Variants in CAB39L observed in about 807,000 individuals in gnomAD.
CAB39L encodes calcium binding protein 39 like.
A neutral mutation model predicts 39.1 loss-of-function variants in CAB39L; 23 were observed. The ratio of observed to expected loss-of-function variants is 0.59; its 90% CI spans 0.42 to 0.83. CAB39L has a LOEUF of 0.83. CAB39L is among the 40% of genes least tolerant of loss of function. The probability of loss-of-function intolerance (pLI) is 0.00; values close to 1 mark genes in which losing one functional copy is unlikely to be tolerated. For synonymous variants in CAB39L, 126 were observed against 137.2 expected (o/e 0.92, Z 0.57); for missense variants, 366 against 391.9 (o/e 0.93, Z 0.56).
chr13:49,312,523 C>T (rs1220435000), intron 10 of CAB39L, among the ~76,000 whole-genome samples: 4 of 152,192 alleles, frequency 2.6e-5, no homozygotes, highest in Admixed American at 6.5e-5. Context: ...GTGCTCTAGG[C>T]GCAATAGCCC....
intron 3 of CAB39L, among the ~76,000 whole-genome samples, chr13:49,389,270 G>A (rs1019277960): frequency 3.9e-5 from 6 of 152,092 alleles, no homozygotes; most frequent in Non-Finnish European, 5.9e-5. Context: ...CTGCACTTCC[G>A]TATTCATTGC....
chr13:49,391,978 C>T (rs1027871658), intron 3 of CAB39L, among the ~76,000 whole-genome samples: 17 of 151,416 alleles, frequency 1.1e-4, no homozygotes, highest in African/African-American at 4.1e-4. Context: ...CACATTTCTG[C>T]TCTAAATTCT....
At chr13:49,352,250 A>C (rs560079811) in intron 6 of CAB39L, among the ~76,000 whole-genome samples, 1 of 152,134 alleles carries the variant, frequency 6.6e-6, no homozygotes, top group Admixed American at 6.6e-5. Flanking sequence ...ACAATCTCTC[A>C]AAGTCAAATT....
At chr13:49,364,088 T>TA (rs1237044980) in intron 5 of CAB39L, among the ~76,000 whole-genome samples, 1 of 152,132 alleles carries the variant, frequency 6.6e-6, no homozygotes, top group Non-Finnish European at 1.5e-5. Context: ...AGTCATTATA[T>TA]AATAATAAAG....
Position 49,392,566 on chromosome 13 carries a change from G to A in CAB39L, c.-31-9625C>T, listed in dbSNP as rs191210177. On this transcript the variant is annotated intron_variant, in intron 3 of 10. Transcript: ENST00000409308. ...TGAGGCAGGAGAATCACTGGAATCC[G>A]GGAGGCAGAGGTTGCAGTGAGCCGA... Among the ~76,000 whole-genome samples, 406 of 152,134 alleles carry A rather than the reference G, an allele frequency of 2.7e-3. 2 individuals are homozygous for A. Among genetic ancestry groups the A allele is most frequent in the African/African-American group, 9.3e-3 (388 of 41,508 alleles).
intron 10 of CAB39L, among the ~76,000 whole-genome samples, chr13:49,323,157 C>T (rs1954400756): frequency 6.6e-6 from 1 of 152,178 alleles, no homozygotes; most frequent in African/African-American, 2.4e-5. Context: ...TCCTAGGATC[C>T]TTAAGGAGAA....
At chr13:49,438,088 C>T (rs1270557793) in intron 1 of CAB39L, among the ~76,000 whole-genome samples, 2 of 152,124 alleles carry the variant, frequency 1.3e-5, no homozygotes, top group African/African-American at 4.8e-5. Context: ...CTTCCTGCCT[C>T]AGCCCCGCAA....
At chr13:49,323,561 C>G (rs578128979) in intron 10 of CAB39L, among the ~76,000 whole-genome samples, 4 of 152,306 alleles carry the variant, frequency 2.6e-5, no homozygotes, top group Admixed American at 2.0e-4. Context: ...AAATGTGGAC[C>G]AGGACTTCCC....
intron 5 of CAB39L, among the ~76,000 whole-genome samples, chr13:49,368,447 A>C (rs185312899): frequency 6.6e-6 from 1 of 152,338 alleles, no homozygotes; most frequent in Non-Finnish European, 1.5e-5. Flanking sequence ...TGTCATGCCA[A>C]ATCTAACTGG....
intron 4 of CAB39L, among the ~76,000 whole-genome samples, chr13:49,381,910 CG>C: frequency 6.6e-6 from 1 of 152,288 alleles, no homozygotes; most frequent in African/African-American, 2.4e-5. Flanking sequence ...TGCATATCTT[CG>C]TATTTCACAG....
intron 1 of CAB39L, among the ~76,000 whole-genome samples, chr13:49,442,492 T>G (rs1433175149): frequency 1.3e-5 from 2 of 151,960 alleles, no homozygotes; most frequent in East Asian, 3.9e-4. Flanking sequence ...ATCAAGTAAT[T>G]AAGAAAAATG....
At chr13:49,331,874 A>G in intron 10 of CAB39L, 73 bp downstream of exon 10, 1 of 1,371,608 alleles carries the variant, frequency 7.3e-7, no homozygotes, top group South Asian at 1.2e-5. Flanking sequence ...GAGAGTAAAG[A>G]GCAGGGAGTT....
intron 3 of CAB39L, among the ~76,000 whole-genome samples, chr13:49,405,821 T>C (rs1328169781): frequency 6.6e-6 from 1 of 151,380 alleles, no homozygotes; most frequent in East Asian, 1.9e-4. Context: ...TGGAATAATA[T>C]TCAGCTATAA....
intron 1 of CAB39L, among the ~76,000 whole-genome samples, chr13:49,441,464 G>C (rs1448370805): frequency 1.3e-5 from 2 of 151,780 alleles, no homozygotes; most frequent in Non-Finnish European, 2.9e-5. Context: ...CTACTCTTGA[G>C]GCTGAGGAGG....
At chr13:49,364,822 C>T (rs968019154) in intron 5 of CAB39L, among the ~76,000 whole-genome samples, 5 of 152,052 alleles carry the variant, frequency 3.3e-5, no homozygotes, top group South Asian at 2.1e-4. Context: ...AAAGATATTC[C>T]GTGTCCATGG....
chr13:49,433,275 C>G (rs906016664), intron 3 of CAB39L, 43 bp downstream of exon 3: 1 of 426,164 alleles, frequency 2.3e-6, no homozygotes, highest in Non-Finnish European at 4.6e-6. Context: ...ACACGTCTGT[C>G]GAGAGCACTT....
At chr13:49,380,487 T>C (rs150653031) in intron 4 of CAB39L, among the ~76,000 whole-genome samples, 84 of 152,206 alleles carry the variant, frequency 5.5e-4, no homozygotes, top group African/African-American at 2.0e-3. Flanking sequence ...GATTAGTAGG[T>C]ATTAGGGCCT....
chr13:49,331,041 T>C (rs1374178698), intron 10 of CAB39L, among the ~76,000 whole-genome samples: 1 of 152,106 alleles, frequency 6.6e-6, no homozygotes, highest in East Asian at 1.9e-4. Context: ...TGGTACACTG[T>C]GAATACAGCT....
intron 1 of CAB39L, among the ~76,000 whole-genome samples, chr13:49,439,921 G>GTTTTTTTTTTTTTTTTTTT (rs34993624): frequency 6.4e-5 from 5 of 78,540 alleles, no homozygotes; most frequent in African/African-American, 9.3e-5. Flanking sequence ...TTTTTAATGG[G>GTTTTTTTTTTTTTTTTTTT]TTTTTTTTTT....
Sources: gnomAD v4.1 joint callset for allele counts (sites outside exome capture counted in the v4.1 genomes callset) on GRCh38, gnomAD v4.1.1 for gene constraint, MANE v1.5 for transcripts, NCBI Gene and HGNC (gene_info 2026-07-23, HGNC 2026-07-21) for gene names.